AAR2: variants seen among roughly 807,000 people sequenced by gnomAD.
AAR2 encodes the protein protein AAR2 homolog.
AAR2 carries 31 observed loss-of-function variants against 26.9 expected under a neutral mutation model. The ratio of observed to expected loss-of-function variants is 1.15; its 90% CI spans 0.86 to 1.55. The LOEUF (loss-of-function observed/expected upper bound fraction) is 1.55. Among genes scored for constraint, AAR2 ranks in the 40% most tolerant of loss-of-function variants. The probability of loss-of-function intolerance (pLI) is 0.00; values close to 1 mark genes in which losing one functional copy is unlikely to be tolerated. For missense variants in AAR2, 430 were observed against 491.3 expected (o/e 0.88, Z 1.18); for synonymous variants, 188 against 196.1 (o/e 0.96, Z 0.34).
chr20:36,255,615 C>T lies in AAR2; in HGVS notation c.1025C>T (p.Ala342Val). 1 of 1,614,184 alleles carries T rather than the reference C, an allele frequency of 6.2e-7. No individual in the cohort carries two copies. The highest frequency in any genetic ancestry group is 8.5e-7 in the Non-Finnish European group (1 of 1,180,036). Residue 342 changes from alanine (A) to valine (V), a missense_variant, in exon 4 of 4, where the codon GCC becomes GTC. By Grantham distance (64) the Ala-to-Val change is moderately conservative. Coordinates refer to ENST00000320849, the MANE Select transcript of AAR2 (RefSeq NM_001271874.2). The stretch of plus-strand genomic sequence containing the variant: ...TCTGCCTGCAGCATTGCCGTGGATG[C>T]CACCCTGAGAAAGAAAGCTGAAAAG... ...FSSACSIAVDATLRKKAEKFQ... is the reference protein window; with the variant it reads ...FSSACSIAVDVTLRKKAEKFQ...
intron 3 of AAR2, among the ~76,000 whole-genome samples, chr20:36,252,066 G>A (rs1159646569): frequency 1.3e-5 from 2 of 152,246 alleles, no homozygotes; most frequent in African/African-American, 2.4e-5. Context: ...TACAAGCACA[G>A]TGTGAGGAAT....
intron 1 of AAR2, among the ~76,000 whole-genome samples, chr20:36,238,695 G>T (rs751784392): frequency 6.6e-6 from 1 of 150,708 alleles, no homozygotes; most frequent in Non-Finnish European, 1.5e-5. Flanking sequence ...GGTGGACGAT[G>T]TAGTGAGCCG....
chr20:36,243,494 G>C (rs1442673797), intron 2 of AAR2, among the ~76,000 whole-genome samples: 3 of 152,150 alleles, frequency 2.0e-5, no homozygotes, highest in Admixed American at 1.3e-4. Flanking sequence ...GAGGTATTTG[G>C]TGTTGAGTAC....
At position 36,255,838 on chromosome 20, in the gene AAR2, G is replaced by GGAT; in HGVS notation, c.*94_*95insATG. On this transcript the variant is annotated 3_prime_UTR_variant, in exon 4 of 4. Coordinates refer to ENST00000320849, the MANE Select transcript of AAR2 (RefSeq NM_001271874.2). The stretch of plus-strand genomic sequence containing the variant: ...CTTCTTCCCATCCTGGGACCTGCCA[G>GGAT]GGCAGCAATCTCTCCAGGTCCTGCA... 1 of 1,477,064 alleles carries GGAT rather than the reference G, an allele frequency of 6.8e-7. No individual in the cohort carries two copies. Among genetic ancestry groups the GGAT allele is most frequent in the Non-Finnish European group, 9.1e-7 (1 of 1,093,234 alleles). 91.5% of individuals were successfully genotyped at this position (1,477,064 alleles called of 1,614,324 possible).
chr20:36,247,428 G>A (rs1346632155), intron 3 of AAR2, among the ~76,000 whole-genome samples: 2 of 152,014 alleles, frequency 1.3e-5, no homozygotes, highest in African/African-American at 4.8e-5. Context: ...AACATTGGTC[G>A]CAAAGGCCAT....
At chr20:36,249,710 A>C (rs916227294) in intron 3 of AAR2, among the ~76,000 whole-genome samples, 6 of 152,210 alleles carry the variant, frequency 3.9e-5, no homozygotes, top group Non-Finnish European at 8.8e-5. Flanking sequence ...CTAGGTCTCT[A>C]ATCCCATTAT....
intron 3 of AAR2, among the ~76,000 whole-genome samples, chr20:36,254,538 G>A (rs2064804411): frequency 6.6e-6 from 1 of 152,118 alleles, no homozygotes. Flanking sequence ...GGGAGTTGCT[G>A]TTTAATGGCT....
intron 1 of AAR2, among the ~76,000 whole-genome samples, chr20:36,237,990 T>C (rs1374895441): frequency 6.6e-6 from 1 of 151,926 alleles, no homozygotes; most frequent in Non-Finnish European, 1.5e-5. Flanking sequence ...TTCACAGTAT[T>C]GGCCAGGCTG....
intron 2 of AAR2, 105 bp downstream of exon 2, chr20:36,240,730 C>G: frequency 7.0e-7 from 1 of 1,422,106 alleles, no homozygotes; most frequent in South Asian, 1.4e-5. Flanking sequence ...GCAACTAAAC[C>G]TGGCTAGGAG....
intron 3 of AAR2, 41 bp from the exon 4 acceptor site, chr20:36,255,537 C>T (rs1235875528): frequency 3.1e-6 from 5 of 1,609,750 alleles, no homozygotes; most frequent in Non-Finnish European, 3.4e-6. Flanking sequence ...GCCCCCTGCC[C>T]TCCGTCTTCT....
chr20:36,255,622 G>A lies in AAR2; in HGVS notation c.1032G>A (p.Leu344=), dbSNP rs1443644040. ...GCAGCATTGCCGTGGATGCCACCCT[G>A]AGAAAGAAAGCTGAAAAGTTCCAAG... is the stretch of plus-strand genomic sequence containing the variant. The part of the protein sequence containing the change: ...SACSIAVDAT[L]RKKAEKFQAH... Residue 344 remains leucine, a synonymous_variant, in exon 4 of 4, where the codon CTG becomes CTA. Coordinates refer to ENST00000320849, the MANE Select transcript of AAR2 (RefSeq NM_001271874.2). 9.3e-6 allele frequency: 15 copies of A among 1,614,182 alleles called. No individual in the cohort carries two copies. The highest frequency in any genetic ancestry group is 1.3e-5 in the Non-Finnish European group (15 of 1,180,032).
intron 3 of AAR2, 57 bp downstream of exon 3, chr20:36,244,983 T>C: frequency 1.3e-6 from 2 of 1,490,352 alleles, no homozygotes; most frequent in Non-Finnish European, 1.9e-6. Flanking sequence ...GAGGCAACAG[T>C]ATGTGTTTTG....
At chr20:36,237,722 T>C (rs2064626204) in intron 1 of AAR2, among the ~76,000 whole-genome samples, 1 of 150,386 alleles carries the variant, frequency 6.6e-6, no homozygotes, top group Non-Finnish European at 1.5e-5. Flanking sequence ...ACTTTCTGAA[T>C]TCAGGATTAC....
chr20:36,245,183 C>T (rs1429516707), intron 3 of AAR2, among the ~76,000 whole-genome samples: 1 of 152,140 alleles, frequency 6.6e-6, no homozygotes, highest in Non-Finnish European at 1.5e-5. Flanking sequence ...TTGAATTCCT[C>T]CCACTGCTTT....
intron 2 of AAR2, among the ~76,000 whole-genome samples, chr20:36,242,988 G>C (rs2064699254): frequency 6.6e-6 from 1 of 151,318 alleles, no homozygotes; most frequent in Non-Finnish European, 1.5e-5. Flanking sequence ...CTCCCAAGTA[G>C]GTGGGACTTC....
rs761860611 is a variant in AAR2, at chr20:36,240,236, G to A, written c.368G>A (p.Gly123Glu). The A allele has an allele frequency of 3.7e-6, 6 of 1,614,054 alleles. No homozygotes were observed. In the Admixed American group the frequency reaches 1.0e-4, roughly 27 times the overall value. Residue 123 changes from glycine (G) to glutamate (E), a missense_variant, in exon 2 of 4, where the codon GGG becomes GAG. By Grantham distance (98) the Gly-to-Glu change is moderately conservative. Transcript: ENST00000320849. ...ANLQELDQFL[G>E]PYPYATLKKW... ...CTCCAGGAGCTGGACCAGTTCCTGG[G>A]GCCTTACCCATATGCCACCCTGAAG...
At chr20:36,236,983 A>G (rs966028275) in intron 1 of AAR2, among the ~76,000 whole-genome samples, 3 of 152,248 alleles carry the variant, frequency 2.0e-5, no homozygotes, top group African/African-American at 7.2e-5. Context: ...GGCACCCCAG[A>G]TTATATCACA....
At chr20:36,251,262 G>A (rs938860806) in intron 3 of AAR2, among the ~76,000 whole-genome samples, 2 of 151,978 alleles carry the variant, frequency 1.3e-5, no homozygotes, top group Admixed American at 6.6e-5. Context: ...TTGGGATGCC[G>A]AGGCAAGAGA....
chr20:36,239,210 A>G (rs1007349363), intron 1 of AAR2, among the ~76,000 whole-genome samples: 4 of 151,986 alleles, frequency 2.6e-5, no homozygotes, highest in Non-Finnish European at 4.4e-5. Context: ...TAGGTTTTTT[A>G]TGAGTGAAAG....
Sources: gnomAD v4.1 joint callset for allele counts (sites outside exome capture counted in the v4.1 genomes callset) on GRCh38, gnomAD v4.1.1 for gene constraint, MANE v1.5 for transcripts, NCBI Gene and HGNC (gene_info 2026-07-23, HGNC 2026-07-21) for gene names.